DIDO1: variants seen among roughly 807,000 people sequenced by gnomAD.
DIDO1 encodes the protein death inducer-obliterator 1.
DIDO1 carries 16 observed loss-of-function variants against 99.4 expected under a neutral mutation model. That is an observed-to-expected ratio of 0.16 (90% CI 0.11 to 0.24). The LOEUF (loss-of-function observed/expected upper bound fraction) is 0.24. DIDO1 is among the 10% of genes least tolerant of loss of function. The pLI is 1.00. For missense variants in DIDO1, 2,996 were observed against 3,014.0 expected (o/e 0.99, Z 0.14); for synonymous variants, 1,366 against 1,239.1 (o/e 1.10, Z -2.15).
intron 15 of DIDO1, among the ~76,000 whole-genome samples, chr20:62,884,206 A>T (rs896032882): frequency 1.3e-4 from 4 of 31,422 alleles, no homozygotes; most frequent in East Asian, 2.3e-3. Flanking sequence ...TATTAGTTTA[A>T]AAAAAAAATT....
At position 62,906,022 on chromosome 20, in the gene DIDO1, C is replaced by A. The variant is rs776592667; in HGVS notation, c.1453G>T (p.Val485Phe). The change falls in exon 6 of 16, where the codon GTC becomes TTC. Residue 485 changes from valine to phenylalanine, a missense_variant. By Grantham distance (50) the Val-to-Phe change is conservative. Transcript: ENST00000395343. ...KETTVKKAVV[V>F]PARSEALGKE... is the part of the protein sequence containing the mutation. ...CCGAGTGCTTCACTCCGCGCAGGGA[C>A]CACCACTGCCTTCTTCACTGTGGTC... 5 of 1,613,894 alleles carry A rather than the reference C, an allele frequency of 3.1e-6. No individual in the cohort carries two copies. In the Admixed American group the frequency reaches 8.3e-5, roughly 27 times the overall value.
rs1436086553 is a variant in DIDO1, at chr20:62,892,010, T to C, written c.3322A>G (p.Lys1108Glu). 6.2e-7 allele frequency: 1 copy of C among 1,613,026 alleles called. No individual in the cohort carries two copies. Among genetic ancestry groups the C allele is most frequent in the Non-Finnish European group, 8.5e-7 (1 of 1,179,794 alleles). Residue 1108 changes from lysine (K) to glutamate (E), a missense_variant, in exon 14 of 16, where the codon AAA becomes GAA. Physicochemically the swap from Lys to Glu is moderately conservative, Grantham distance 56 (BLOSUM62 1). Around this residue, in one of 5 missense-constraint regions of DIDO1, gnomAD observed 135 missense variants for 202.3 expected, o/e 0.67. Coordinates refer to ENST00000395343, the MANE Select transcript of DIDO1 (RefSeq NM_001193369.2). ...ACCTTAGACACAGAAGACTTGAGTT[T>C]GCCAACATAATCCCAAACTGTCTTC... The part of the protein sequence containing the change: ...APKTVWDYVG[K>E]LKSSVSKELC...
At chr20:62,898,729 G>C (rs932376974) in intron 6 of DIDO1, among the ~76,000 whole-genome samples, 3 of 152,156 alleles carry the variant, frequency 2.0e-5, no homozygotes, top group Non-Finnish European at 2.9e-5. Flanking sequence ...ATTCCTGTTG[G>C]AGCTGGATCT....
chr20:62,895,787 G>C (rs553467739), intron 8 of DIDO1, among the ~76,000 whole-genome samples: 1 of 152,222 alleles, frequency 6.6e-6, no homozygotes, highest in Non-Finnish European at 1.5e-5. Context: ...CCTGCTCCAA[G>C]TGGTGAGAAC....
At chr20:62,898,337 C>T (rs950540604) in intron 6 of DIDO1, among the ~76,000 whole-genome samples, 1 of 152,204 alleles carries the variant, frequency 6.6e-6, no homozygotes, top group African/African-American at 2.4e-5. Context: ...GCAGCCAGTC[C>T]ATCAAGCAGC....
rs1389358136 is a variant in DIDO1 at position 62,879,489 on chromosome 20, T to C, written c.6467A>G (p.Asn2156Ser). 3.1e-6 allele frequency: 5 copies of C among 1,592,100 alleles called. No individual in the cohort carries two copies. Among genetic ancestry groups the C allele is most frequent in the Admixed American group, 1.7e-5 (1 of 59,018 alleles). ...GTCGGCCTCGCGCTCTCGGTCGCGG[T>C]TGGCGCTCCTCTCCCGGTTTCTGTC... ...DWDRNRERSA[N>S]RDREREADRG... Residue 2156 changes from asparagine (N) to serine (S), a missense_variant, in exon 16 of 16, where the codon AAC becomes AGC. Asn to Ser is a conservative substitution (Grantham distance 46). Transcript: ENST00000395343. This position sits in a 1 kb window ranked among gnomAD's most constrained non-coding sequence, Gnocchi z 6.3.
intron 6 of DIDO1, among the ~76,000 whole-genome samples, chr20:62,902,279 A>C (rs926898537): frequency 6.6e-6 from 1 of 152,228 alleles, no homozygotes; most frequent in Non-Finnish European, 1.5e-5. Context: ...TAAAAATAAC[A>C]AAAGAATGTC....
Position 62,905,868 on chromosome 20 carries a change from A to G in DIDO1, c.1588+19T>C. On this transcript the variant is annotated intron_variant, in intron 6 of 15. Transcript: ENST00000395343. ...AGAACGGGAGGGGTCCAGGAGGCCA[A>G]CCCCTAGGTGATACATACATTTATA... The G allele has an allele frequency of 3.7e-6, 6 of 1,614,104 alleles. No homozygotes were observed. Among genetic ancestry groups the G allele is most frequent in the Non-Finnish European group, 4.2e-6 (5 of 1,180,014 alleles).
At chr20:62,907,073 A>T in intron 5 of DIDO1, 74 bp downstream of exon 5, 1 of 1,535,346 alleles carries the variant, frequency 6.5e-7, no homozygotes, top group Non-Finnish European at 9.0e-7. Flanking sequence ...ACGGTCTACA[A>T]ACCAACAGTT....
intron 15 of DIDO1, chr20:62,888,434 C>G (rs1007539424): frequency 1.0e-6 from 1 of 985,426 alleles, no homozygotes; most frequent in Admixed American, 6.1e-5. Context: ...CCGCAGAGAA[C>G]TGAGGCTGTG....
intron 15 of DIDO1, chr20:62,889,653 C>T: frequency 1.0e-6 from 1 of 985,396 alleles, no homozygotes. Flanking sequence ...CGGGCTTTTC[C>T]TCTCCCTGGT....
intron 1 of DIDO1, among the ~76,000 whole-genome samples, chr20:62,920,309 C>T (rs1313098133): frequency 6.6e-6 from 1 of 152,142 alleles, no homozygotes; most frequent in African/African-American, 2.4e-5. Context: ...ATGTTCTCCT[C>T]GGTCCACACC....
upstream of DIDO1, chr20:62,926,542 G>T (rs926647730): frequency 4.6e-5 from 7 of 151,942 alleles, no homozygotes; most frequent in African/African-American, 1.5e-4. Context: ...CGCGGCGGGC[G>T]GAGGACGAGA....
intron 1 of DIDO1, among the ~76,000 whole-genome samples, chr20:62,935,439 C>T (rs1476472162): frequency 1.3e-5 from 2 of 152,116 alleles, no homozygotes; most frequent in South Asian, 2.1e-4. Context: ...CCACACGGAC[C>T]GTGTGCTAAG....
intron 15 of DIDO1, chr20:62,888,525 G>C: frequency 1.0e-6 from 1 of 985,562 alleles, no homozygotes; most frequent in Non-Finnish European, 1.2e-6. Context: ...GCTCACCCCT[G>C]ACCACAGCTC....
In DIDO1 at chr20:62,910,938, A is replaced by G. The variant is rs376820077; in HGVS notation, c.675T>C (p.Val225=). The change falls in exon 3 of 16, where the codon GTT becomes GTC. Residue 225 remains valine, a synonymous_variant. Coordinates refer to ENST00000395343, the MANE Select transcript of DIDO1 (RefSeq NM_001193369.2). The part of the protein sequence containing the change: ...SKQEPENDQG[V]VSQAGKDDRE... ...TGTCATCTTTCCCAGCCTGGGACAC[A>G]ACCCCCTGATCGTTCTCGGGCTCCT... 6.2e-7 allele frequency: 1 copy of G among 1,613,894 alleles called. No homozygotes were observed. Among genetic ancestry groups the G allele is most frequent in the Admixed American group, 1.7e-5 (1 of 59,998 alleles).
Position 62,894,871 on chromosome 20 carries a change from G to C in DIDO1, c.2375C>G (p.Thr792Arg), listed in dbSNP as rs139525718. Residue 792 changes from threonine (T) to arginine (R), a missense_variant, in exon 10 of 16, where the codon ACG (threonine) becomes AGG (arginine). By Grantham distance (71) the Thr-to-Arg change is moderately conservative. Coordinates refer to ENST00000395343, the MANE Select transcript of DIDO1 (RefSeq NM_001193369.2). This position sits in a 1 kb window ranked among gnomAD's most constrained non-coding sequence, Gnocchi z 4.4. ...RTKLHNESKKTAPRQEAIPDL... is the reference protein window; with the variant it reads ...RTKLHNESKKRAPRQEAIPDL... ...GGGGATGGCCTCCTGCCTGGGGGCC[G>C]TCTTCTTGCTTTCATTGTGCAGTTT... 5.0e-6 allele frequency: 8 copies of C among 1,614,136 alleles called. No homozygotes were observed. Among genetic ancestry groups the C allele is most frequent in the Non-Finnish European group, 6.8e-6 (8 of 1,180,020 alleles).
intron 15 of DIDO1, chr20:62,888,628 G>A (rs1355937529): frequency 2.0e-6 from 2 of 985,474 alleles, no homozygotes; most frequent in Non-Finnish European, 2.4e-6. Context: ...CGCTGAGACA[G>A]GGGAAACATG....
In DIDO1 at chr20:62,907,153, A is replaced by G; in HGVS notation, c.1368T>C (p.Gly456=). The stretch of plus-strand genomic sequence containing the variant: ...CTGGTCCTGGTCCACTCACCTGAGC[A>G]CCGCATTTCGGAAGACTGGGCTTCT... ...KPEKPSLPKC[G]AQAGIKISSV... Residue 456 remains glycine (G), a synonymous_variant, in exon 5 of 16, where the codon GGT becomes GGC. Transcript: ENST00000395343. 3 of 1,614,218 alleles carry G rather than the reference A, an allele frequency of 1.9e-6. No individual in the cohort carries two copies. Among genetic ancestry groups the G allele is most frequent in the South Asian group, 2.2e-5 (2 of 91,086 alleles).
Sources: gnomAD v4.1 joint callset for allele counts (sites outside exome capture counted in the v4.1 genomes callset) on GRCh38, gnomAD v4.1.1 for gene constraint, gnomAD v4.1.1 regional missense constraint, Gnocchi (gnomAD v3.1) non-coding constraint, MANE v1.5 for transcripts, NCBI Gene and HGNC (gene_info 2026-07-23, HGNC 2026-07-21) for gene names.